Variants in TXLNB observed in about 807,000 individuals in gnomAD.
The protein encoded by TXLNB is taxilin beta, also known as beta-taxilin.
In TXLNB, 37 loss-of-function variants were observed where a neutral mutation model predicts 57.4. That is an observed-to-expected ratio of 0.64 (90% confidence interval 0.50 to 0.85). The LOEUF is 0.85. TXLNB is among the 40% of genes least tolerant of loss of function. The pLI is 0.00. For missense variants in TXLNB, 848 were observed against 825.6 expected (o/e 1.03, Z -0.33); for synonymous variants, 302 against 309.6 (o/e 0.98, Z 0.26).
At chr6:139,235,210 C>T (rs959329741), downstream of TXLNB, among the ~76,000 whole-genome samples, 1 of 152,106 alleles carries the variant, frequency 6.6e-6, no homozygotes, top group Non-Finnish European at 1.5e-5. Flanking sequence ...CCTGCCACAT[C>T]CCCCATCCTG....
chr6:139,186,909 A>G, the TXLNB span, among the ~76,000 whole-genome samples: 28 of 152,336 alleles, frequency 1.8e-4, no homozygotes, highest in African/African-American at 6.5e-4. Context: ...GAAGATGCAA[A>G]TGAATCTGGT....
At chr6:139,176,921 A>T in the TXLNB span, 1 of 860,250 alleles carries the variant, frequency 1.2e-6, no homozygotes, top group Non-Finnish European at 2.0e-6. The surrounding 1 kb of genome is among the most constrained non-coding windows in gnomAD (Gnocchi z 4.5). Flanking sequence ...GTTGTGGCTG[A>T]TGGTGTCTGT....
At chr6:139,257,520 G>C (rs534177254) in intron 6 of TXLNB, among the ~76,000 whole-genome samples, 21 of 152,240 alleles carry the variant, frequency 1.4e-4, no homozygotes, top group African/African-American at 4.8e-4. Flanking sequence ...CTAAACTGGG[G>C]CAAATTTTGT....
At chr6:139,304,310 A>C in the TXLNB span, among the ~76,000 whole-genome samples, 1 of 152,244 alleles carries the variant, frequency 6.6e-6, no homozygotes, top group African/African-American at 2.4e-5. Context: ...ATATCAGTAG[A>C]AAGACTCCAT....
At chr6:139,259,024 C>T (rs1488876669) in intron 6 of TXLNB, among the ~76,000 whole-genome samples, 1 of 152,180 alleles carries the variant, frequency 6.6e-6, no homozygotes, top group African/African-American at 2.4e-5. Context: ...TGACTTTCTC[C>T]TTTTCTCTTT....
chr6:139,277,495 A>G (rs939767917), intron 2 of TXLNB, among the ~76,000 whole-genome samples: 1 of 151,968 alleles, frequency 6.6e-6, no homozygotes, highest in African/African-American at 2.4e-5. Flanking sequence ...TTGTACATAA[A>G]CCCATTCCCT....
chr6:139,166,677 CAA>C, the TXLNB span: 1 of 1,612,232 alleles, frequency 6.2e-7, no homozygotes, highest in Non-Finnish European at 8.5e-7. Flanking sequence ...GCGGAGGAGG[CAA>C]AAAAGTGCAG....
chr6:139,269,372 C>T (rs1051075238), intron 4 of TXLNB, among the ~76,000 whole-genome samples: 1 of 152,212 alleles, frequency 6.6e-6, no homozygotes, highest in Non-Finnish European at 1.5e-5. Flanking sequence ...GAGATTTATG[C>T]ATCCTTTGAA....
chr6:139,283,317 C>G lies in TXLNB; in HGVS notation c.424+5159G>C, dbSNP rs952389856. Among the ~76,000 whole-genome samples the G allele has an allele frequency of 1.6e-4, 23 of 143,004 alleles. 1 individual carries two copies. The highest frequency in any genetic ancestry group is 6.8e-4 in the Admixed American group (10 of 14,664). The allele number at this position is 143,004 out of a possible 152,430, so 93.8% of individuals were successfully genotyped here. On this transcript the variant is annotated intron_variant, in intron 2 of 9. Transcript: ENST00000358430. Reference sequence around the variant, plus strand: ...CTTGGCCAGGCGTGGTGGTTCATGCCTGTAATCCCAGCACTTTGGGAGACC... The same window carrying G: ...CTTGGCCAGGCGTGGTGGTTCATGCGTGTAATCCCAGCACTTTGGGAGACC...
chr6:139,232,126 A>G, the TXLNB span, among the ~76,000 whole-genome samples: 1 of 152,216 alleles, frequency 6.6e-6, no homozygotes, highest in Non-Finnish European at 1.5e-5. Flanking sequence ...ATGTACTCAC[A>G]GTTCCACATG....
At chr6:139,201,447 T>A in the TXLNB span, among the ~76,000 whole-genome samples, 1 of 152,214 alleles carries the variant, frequency 6.6e-6, no homozygotes, top group Non-Finnish European at 1.5e-5. Flanking sequence ...TTAACCCTTA[T>A]AACCTGATGT....
chr6:139,288,251 A>T (rs948828873), intron 2 of TXLNB, among the ~76,000 whole-genome samples: 1 of 152,196 alleles, frequency 6.6e-6, no homozygotes, highest in African/African-American at 2.4e-5. Context: ...TCATCCTAAG[A>T]GCAGTAGGAG....
intron 2 of TXLNB, among the ~76,000 whole-genome samples, chr6:139,278,717 C>T (rs1286348921): frequency 1.3e-5 from 2 of 152,184 alleles, no homozygotes; most frequent in African/African-American, 4.8e-5. Flanking sequence ...TAGAATAAAA[C>T]AAAGCTGGCC....
chr6:139,167,254 G>A, the TXLNB span: 1 of 1,613,658 alleles, frequency 6.2e-7, no homozygotes, highest in Non-Finnish European at 8.5e-7. Context: ...TCCCACTGGT[G>A]GATGGAACTT....
chr6:139,230,297 G>T, the TXLNB span, among the ~76,000 whole-genome samples: 2 of 152,230 alleles, frequency 1.3e-5, no homozygotes, highest in African/African-American at 4.8e-5. Context: ...TGAGTTATGG[G>T]CATGGCTGAT....
the TXLNB span, among the ~76,000 whole-genome samples, chr6:139,227,109 G>A: frequency 3.3e-5 from 5 of 152,030 alleles, no homozygotes; most frequent in Non-Finnish European, 7.4e-5. Flanking sequence ...TTGGGAGGCC[G>A]AGGTGGGAGG....
chr6:139,275,155 A>C (rs963491071), intron 3 of TXLNB, among the ~76,000 whole-genome samples: 7 of 152,220 alleles, frequency 4.6e-5, no homozygotes, highest in African/African-American at 1.7e-4. Context: ...TCTTAAAATC[A>C]TAAAAAAGAA....
At chr6:139,186,061 C>T in the TXLNB span, among the ~76,000 whole-genome samples, 2,560 of 152,136 alleles carry the variant, frequency 0.017, 56 homozygotes, top group East Asian at 0.074. Flanking sequence ...AGTTGATTTT[C>T]GGCAAAGGTA....
the TXLNB span, among the ~76,000 whole-genome samples, chr6:139,181,752 T>C: frequency 6.6e-6 from 1 of 152,190 alleles, no homozygotes; most frequent in African/African-American, 2.4e-5. Flanking sequence ...GCTTTCCTTA[T>C]AAAGAATGTT....
Sources: allele counts gnomAD v4.1 joint callset (sites outside exome capture counted in the v4.1 genomes callset), GRCh38; gene constraint gnomAD v4.1.1; non-coding constraint Gnocchi (gnomAD v3.1); transcripts MANE v1.5; gene names NCBI Gene and HGNC (gene_info 2026-07-23, HGNC 2026-07-21).